The following DQX1 variants were observed in gnomAD, a reference collection of about 807,000 sequenced individuals.
DQX1 encodes ATP-dependent RNA helicase homolog DQX1.
A neutral mutation model predicts 81.3 loss-of-function variants in DQX1; 66 were observed. The observed-to-expected ratio is 0.81, with a 90% CI of 0.67 to 1.00. DQX1 has a LOEUF of 1.00. Ranked by LOEUF, DQX1 falls within the 50% of genes least tolerant of loss-of-function variation. The pLI, the probability that DQX1 is intolerant of heterozygous loss-of-function variation, is 0.00. For missense variants in DQX1, 798 were observed against 867.9 expected (o/e 0.92, Z 1.01); for synonymous variants, 290 against 350.0 (o/e 0.83, Z 1.91).
intron 11 of DQX1, 56 bp downstream of exon 11, chr2:74,518,984 A>C (rs1182080220): frequency 9.6e-6 from 14 of 1,457,224 alleles, no homozygotes; most frequent in Middle Eastern, 2.4e-4. Context: ...CCCCAGCCAT[A>C]ATTTTGGCCC....
rs1674970892 is a variant in DQX1, at chr2:74,519,540, C to G, written c.1806+16G>C. The G allele has an allele frequency of 6.2e-7, 1 of 1,613,130 alleles. No homozygotes were observed. The highest frequency in any genetic ancestry group is 1.3e-5 in the African/African-American group (1 of 74,932). Reference sequence around the variant, plus strand: ...TTGCTCCTTTGATCACCCTCACCCCCACCCTTTCCTCTAACCTTGAGAAAG... The same window carrying G: ...TTGCTCCTTTGATCACCCTCACCCCGACCCTTTCCTCTAACCTTGAGAAAG... On this transcript the variant is annotated intron_variant, in intron 10 of 11. Transcript: ENST00000404568.
In DQX1 at chr2:74,519,177, A is replaced by C; in HGVS notation, c.1860T>G (p.His620Gln). 1.2e-6 allele frequency: 2 copies of C among 1,611,602 alleles called. No homozygotes were observed. Among genetic ancestry groups the C allele is most frequent in the Non-Finnish European group, 1.7e-6 (2 of 1,178,742 alleles). The change falls in exon 11 of 12, where the codon CAT (histidine) becomes CAG (glutamine). Residue 620 changes from histidine to glutamine, a missense_variant. His to Gln is a conservative substitution (Grantham distance 24). Transcript: ENST00000404568. ...TGNYLLLTHK[H>Q]VAQLSSYCCY... Reference sequence around the variant, plus strand: ...AGCAGTATGAGGAGAGCTGGGCCACATGCTTATGGGTTAGGAGAAGGTAAT... The same window carrying C: ...AGCAGTATGAGGAGAGCTGGGCCACCTGCTTATGGGTTAGGAGAAGGTAAT...
In DQX1 at chr2:74,522,710, A is replaced by G; in HGVS notation, c.1365T>C (p.Asp455=). 1 of 1,614,220 alleles carries G rather than the reference A, an allele frequency of 6.2e-7. No individual in the cohort carries two copies. The highest frequency in any genetic ancestry group is 8.5e-7 in the Non-Finnish European group (1 of 1,180,030). ...DLDYLAALDD[D]GDLSDLGVIL... ...TGACACCCAGATCTGACAGGTCCCCATCATCATCCAGGGCTGCCAGATAGT... is the reference window on the plus strand; with the variant it reads ...TGACACCCAGATCTGACAGGTCCCCGTCATCATCCAGGGCTGCCAGATAGT... Residue 455 remains aspartate, a synonymous_variant, in exon 8 of 12, where the codon GAT becomes GAC. Transcript: ENST00000404568.
At chr2:74,521,779 C>G (rs1416638398) in intron 8 of DQX1, among the ~76,000 whole-genome samples, 1 of 148,046 alleles carries the variant, frequency 6.8e-6, no homozygotes, top group Non-Finnish European at 1.5e-5. Context: ...CTCTCCCCCT[C>G]TTTCCCTCTC....
In DQX1 at chr2:74,523,374, G is replaced by A. The variant is rs185264067; in HGVS notation, c.980C>T (p.Ala327Val). The change falls in exon 5 of 12, where the codon GCT becomes GTT. Residue 327 changes from alanine to valine, a missense_variant. Ala to Val is a moderately conservative substitution (Grantham distance 64). Coordinates refer to ENST00000404568, the MANE Select transcript of DQX1 (RefSeq NM_133637.3). ...GGAAGGGAGGGAGAAGGAGAAGTCAGCCAGCCAGTGAGTGACCACAACCTT... is the reference window on the plus strand; with the variant it reads ...GGAAGGGAGGGAGAAGGAGAAGTCAACCAGCCAGTGAGTGACCACAACCTT... ...ARKVVVTHWL[A>V]DFSFSLPSIQ... 26 of 1,614,190 alleles carry A rather than the reference G, an allele frequency of 1.6e-5. No homozygotes were observed. In the Admixed American group the frequency reaches 4.2e-4, roughly 26 times the overall value.
chr2:74,524,640 T>A (rs769056562), intron 3 of DQX1, among the ~76,000 whole-genome samples: 4 of 152,142 alleles, frequency 2.6e-5, no homozygotes, highest in Non-Finnish European at 5.9e-5. Context: ...GGCTCATGCC[T>A]GTAGTCCTTA....
At position 74,518,472 on chromosome 2, in the gene DQX1, ACTC is replaced by A; in HGVS notation, c.2125_2127del (p.Glu709del). ...CACTGCAGGACACAGGGATCTCTGA[ACTC>A]CTGGGCTGAGGATGATTTGCTCCCT... On this transcript the variant is annotated inframe_deletion, in exon 12 of 12. Transcript: ENST00000404568. 6.2e-7 allele frequency: 1 copy of A among 1,614,030 alleles called. No homozygotes were observed.
Position 74,525,174 on chromosome 2 carries a change from A to T in DQX1, c.266T>A (p.Leu89Gln). The T allele has an allele frequency of 6.2e-7, 1 of 1,601,156 alleles. No homozygotes were observed. The highest frequency in any genetic ancestry group is 8.5e-7 in the Non-Finnish European group (1 of 1,172,512). Residue 89 changes from leucine (L) to glutamine (Q), a missense_variant, in exon 3 of 12, where the codon CTG becomes CAG. Coordinates refer to ENST00000404568, the MANE Select transcript of DQX1 (RefSeq NM_133637.3). This position sits in a 1 kb window ranked among gnomAD's most constrained non-coding sequence, Gnocchi z 4.1. ...CTGTCCTTTCTGGAACCCTCTGGCC[A>T]GCGCAAACTCTGCACACCACTGAGG... ...QIPQWCAEFA[L>Q]ARGFQKGQVT...
At position 74,525,456 on chromosome 2, in the gene DQX1, TC is replaced by T. The variant is rs1480886275; in HGVS notation, c.237+36del. On this transcript the variant is annotated intron_variant, in intron 2 of 11. Transcript: ENST00000404568. The surrounding 1 kb of genome is among the most constrained non-coding windows in gnomAD (Gnocchi z 4.1). ...CTCCCTTTGTCCTCCCTTTGTCCAC[TC>T]CCAGAATCTGCCTGCCCCCACAACC... 6.5e-7 allele frequency: 1 copy of T among 1,543,550 alleles called. No individual in the cohort carries two copies.
chr2:74,521,828 T>G (rs896272991), intron 8 of DQX1, among the ~76,000 whole-genome samples: 4 of 149,736 alleles, frequency 2.7e-5, no homozygotes, highest in Non-Finnish European at 3.0e-5. Context: ...TCCCTTGCTC[T>G]CTCTCTGTCT....
chr2:74,518,468 C>G lies in DQX1; in HGVS notation c.2132G>C (p.Arg711Thr). Residue 711 changes from arginine (R) to threonine (T), a missense_variant, in exon 12 of 12, where the codon AGA (arginine) becomes ACA (threonine). By Grantham distance (71) the Arg-to-Thr change is moderately conservative. Coordinates refer to ENST00000404568, the MANE Select transcript of DQX1 (RefSeq NM_133637.3). ...AGGTCACTGCAGGACACAGGGATCT[C>G]TGAACTCCTGGGCTGAGGATGATTT... is the stretch of plus-strand genomic sequence containing the variant. ...GSKSSSAQEF[R>T]DPCVLQ 6.2e-7 allele frequency: 1 copy of G among 1,614,208 alleles called. No individual in the cohort carries two copies. The highest frequency in any genetic ancestry group is 8.5e-7 in the Non-Finnish European group (1 of 1,180,038).
rs1421520224 is a variant in DQX1, at chr2:74,523,152, C to T, written c.1111G>A (p.Ala371Thr). Reference protein sequence around the residue: ...LRPISKCQAEARRLRARGFPP... With the variant: ...LRPISKCQAETRRLRARGFPP... ...AACCCTCTTGCTCGCAATCGTCTTG[C>T]CTCTGCCTGACACTTGCTGATTGGC... The change falls in exon 6 of 12, where the codon GCA (alanine) becomes ACA (threonine). Residue 371 changes from alanine to threonine, a missense_variant. Ala to Thr is a moderately conservative substitution (Grantham distance 58, BLOSUM62 0). Coordinates refer to ENST00000404568, the MANE Select transcript of DQX1 (RefSeq NM_133637.3). 12 of 1,614,176 alleles carry T rather than the reference C, an allele frequency of 7.4e-6. No homozygotes were observed. The South Asian group carries it at 9.9e-5, about 13-fold the overall frequency.
chr2:74,519,301 G>A, intron 10 of DQX1, 71 bp from the exon 11 acceptor site: 3 of 1,480,916 alleles, frequency 2.0e-6, no homozygotes, highest in Non-Finnish European at 2.7e-6. Flanking sequence ...AAAATAAAAG[G>A]GGATTGAGAA....
intron 4 of DQX1, 62 bp from the exon 5 acceptor site, chr2:74,523,599 C>T (rs1440107723): frequency 6.8e-7 from 1 of 1,466,132 alleles, no homozygotes; most frequent in Non-Finnish European, 9.4e-7. Flanking sequence ...TCACAGATCC[C>T]TTTGAAAGAC....
chr2:74,523,710 T>C (rs989928401), intron 4 of DQX1, among the ~76,000 whole-genome samples, 173 bp from the exon 5 acceptor site: 1 of 152,080 alleles, frequency 6.6e-6, no homozygotes, highest in African/African-American at 2.4e-5. Context: ...ATCTCTGCAT[T>C]AAAGGGAATA....
In DQX1 at chr2:74,520,625, T is replaced by C. The variant is rs138450969; in HGVS notation, c.1496-591A>G. Among the ~76,000 whole-genome samples the C allele has an allele frequency of 2.0e-3, 305 of 152,154 alleles. 1 individual carries two copies. Among genetic ancestry groups the C allele is most frequent in the African/African-American group, 7.1e-3 (295 of 41,506 alleles). On this transcript the variant is annotated intron_variant, in intron 8 of 11. Coordinates refer to ENST00000404568, the MANE Select transcript of DQX1 (RefSeq NM_133637.3). ...GGAGTACTGAGGAAAGGAACTGTCT[T>C]TAAGGTAAAGAGTAGCTGTAGAGGA...
In DQX1 at chr2:74,524,230, T is replaced by C; in HGVS notation, c.509A>G (p.Asp170Gly). ...TGCCACCGACCGCTCCTGAGCCTCA[T>C]CTAGTACCAGCACGCCCCAGGCTCC... is the stretch of plus-strand genomic sequence containing the variant. Reference protein sequence around the residue: ...GTGAWGVLVLDEAQERSVASD... With the variant: ...GTGAWGVLVLGEAQERSVASD... Residue 170 changes from aspartate to glycine, a missense_variant, in exon 4 of 12, where the codon GAT (aspartate) becomes GGT (glycine). Coordinates refer to ENST00000404568, the MANE Select transcript of DQX1 (RefSeq NM_133637.3). 1 of 1,614,022 alleles carries C rather than the reference T, an allele frequency of 6.2e-7. No homozygotes were observed. Among genetic ancestry groups the C allele is most frequent in the Non-Finnish European group, 8.5e-7 (1 of 1,180,000 alleles).
In DQX1 at chr2:74,525,620, T is replaced by A; in HGVS notation, c.110A>T (p.Glu37Val). The change falls in exon 2 of 12, where the codon GAG becomes GTG. Residue 37 changes from glutamate (E) to valine (V), a missense_variant. Physicochemically the swap from Glu to Val is moderately radical, Grantham distance 121. Transcript: ENST00000404568. The surrounding 1 kb of genome is among the most constrained non-coding windows in gnomAD (Gnocchi z 4.1). ...CAAGGCTTGGCGCTGCTTCAGCAGC[T>A]CATAGTAGCGGGAAGAGAAGGGAAG... ...DGLPFSSRYY[E>V]LLKQRQALPI... The A allele has an allele frequency of 9.0e-6, 14 of 1,551,804 alleles. No homozygotes were observed. The highest frequency in any genetic ancestry group is 1.1e-5 in the Non-Finnish European group (13 of 1,147,016).
At position 74,525,415 on chromosome 2, in the gene DQX1, C is replaced by A. The variant is rs1675148242; in HGVS notation, c.237+78G>T. 21 of 1,440,120 alleles carry A rather than the reference C, an allele frequency of 1.5e-5. No individual in the cohort carries two copies. The highest frequency in any genetic ancestry group is 1.9e-5 in the Non-Finnish European group (20 of 1,060,568). 89.2% of individuals were successfully genotyped at this position (1,440,120 alleles called of 1,614,324 possible). On this transcript the variant is annotated intron_variant, in intron 2 of 11. Coordinates refer to ENST00000404568, the MANE Select transcript of DQX1 (RefSeq NM_133637.3). The surrounding 1 kb of genome is among the most constrained non-coding windows in gnomAD (Gnocchi z 4.1). ...CAGTCCCCCCTTGCCCAGGGAAAGGCCACTTTCCCTTTGTCCTCCCTTTGT... is the reference window on the plus strand; with the variant it reads ...CAGTCCCCCCTTGCCCAGGGAAAGGACACTTTCCCTTTGTCCTCCCTTTGT...
Sources: allele counts gnomAD v4.1 joint callset (sites outside exome capture counted in the v4.1 genomes callset), GRCh38; gene constraint gnomAD v4.1.1; non-coding constraint Gnocchi (gnomAD v3.1); transcripts MANE v1.5; gene names NCBI Gene and HGNC (gene_info 2026-07-23, HGNC 2026-07-21).